CUX1: variants seen among roughly 807,000 people sequenced by gnomAD.
CUX1 encodes the protein cut like homeobox 1.
A neutral mutation model predicts 158.8 loss-of-function variants in CUX1; 31 were observed. The observed-to-expected ratio is 0.20, with a 90% CI of 0.15 to 0.26. CUX1 has a LOEUF of 0.26. Among genes scored for constraint, CUX1 ranks in the 10% least tolerant of loss-of-function variants. CUX1 has a pLI of 1.00. For missense variants in CUX1, 1,589 were observed against 2,014.6 expected (o/e 0.79, Z 4.04); for synonymous variants, 879 against 862.1 (o/e 1.02, Z -0.34).
chr7:102,152,138 T>A lies in CUX1; in HGVS notation c.675-6422T>A, dbSNP rs894197584. On this transcript the variant is annotated intron_variant, in intron 8 of 23. Coordinates refer to ENST00000292535, the MANE Select transcript of CUX1 (RefSeq NM_181552.4). Reference sequence around the variant, plus strand: ...GGCAGGATTGTTTGAGTTCAGGAGTTTAAGACCAGCTTGGGAAGCATTGTA... The same window carrying A: ...GGCAGGATTGTTTGAGTTCAGGAGTATAAGACCAGCTTGGGAAGCATTGTA... Among the ~76,000 whole-genome samples, 5 of 152,072 alleles carry A rather than the reference T, an allele frequency of 3.3e-5. No homozygotes were observed. The South Asian group carries it at 8.3e-4, about 25-fold the overall frequency.
intron 1 of CUX1, among the ~76,000 whole-genome samples, chr7:101,880,847 C>T (rs1301175593): frequency 6.6e-6 from 1 of 152,180 alleles, no homozygotes; most frequent in Non-Finnish European, 1.5e-5. Context: ...CCAGGCCAGG[C>T]CCCCCACCCC....
chr7:102,241,116 A>G (rs1297620), intron 23 of CUX1, among the ~76,000 whole-genome samples: 125,479 of 152,164 alleles, frequency 0.82, 52,877 homozygotes, highest in East Asian at 0.98. Context: ...CACCGCACCC[A>G]GCCAGTTCTC....
chr7:101,912,602 G>A (rs1359122628), intron 1 of CUX1, among the ~76,000 whole-genome samples: 2 of 152,224 alleles, frequency 1.3e-5, no homozygotes, highest in Non-Finnish European at 2.9e-5. Flanking sequence ...CCCCTCTGGA[G>A]AGAGCCAGGC....
chr7:102,115,519 A>C, intron 8 of CUX1: 1 of 403,022 alleles, frequency 2.5e-6, no homozygotes. Context: ...AAAATTTGGG[A>C]GTTAGTTTAT....
intron 3 of CUX1, among the ~76,000 whole-genome samples, chr7:102,043,323 C>CTGTGTGTGTGTGTGTG (rs57276921): frequency 6.5e-4 from 91 of 139,150 alleles, no homozygotes; most frequent in Middle Eastern, 3.6e-3. Context: ...CATTAGCTCA[C>CTGTGTGTGTGTGTGTG]TGTGTGTGTG....
chr7:101,944,407 C>T (rs1055610534), intron 2 of CUX1, among the ~76,000 whole-genome samples: 1 of 152,224 alleles, frequency 6.6e-6, no homozygotes, highest in African/African-American at 2.4e-5. Flanking sequence ...AGCAGTAAGA[C>T]ATAAACCTAC....
At chr7:102,049,589 G>C (rs1390013834) in intron 3 of CUX1, among the ~76,000 whole-genome samples, 1 of 152,046 alleles carries the variant, frequency 6.6e-6, no homozygotes, top group Non-Finnish European at 1.5e-5. Flanking sequence ...TGTAATCCCA[G>C]GTGTGATGGA....
In CUX1 at chr7:102,135,100, A is replaced by G. The variant is rs571188838; in HGVS notation, c.674+19827A>G. ...AATCGTGTATAGTTGACCCTTGAAC[A>G]ACACAGGGGTTAGAGGCACTGACCC... On this transcript the variant is annotated intron_variant, in intron 8 of 23. Coordinates refer to ENST00000292535, the MANE Select transcript of CUX1 (RefSeq NM_181552.4). Among the ~76,000 whole-genome samples the G allele has an allele frequency of 4.6e-5, 7 of 152,298 alleles. No homozygotes were observed. In the East Asian group the frequency reaches 1.2e-3, roughly 25 times the overall value.
chr7:102,227,804 C>A (rs1048744276), intron 21 of CUX1, 135 bp downstream of exon 21: 3 of 882,206 alleles, frequency 3.4e-6, no homozygotes, highest in Non-Finnish European at 5.2e-6. Flanking sequence ...CATGAAACAT[C>A]CTATAGTTGT....
chr7:101,898,248 A>G lies in CUX1; in HGVS notation c.31-17867A>G, dbSNP rs578080115. 5.9e-5 allele frequency among the ~76,000 whole-genome samples: 9 copies of G among 152,350 alleles called. No homozygotes were observed. The South Asian group carries it at 1.7e-3, about 28-fold the overall frequency. On this transcript the variant is annotated intron_variant, in intron 1 of 23. Transcript: ENST00000292535. ...ATATTTGAGAAGTTTTCCCCAATGTAAAAGTCACTCTTTAAGAGCCTTAAA... is the reference window on the plus strand; with the variant it reads ...ATATTTGAGAAGTTTTCCCCAATGTGAAAGTCACTCTTTAAGAGCCTTAAA...
At chr7:102,036,225 G>A (rs999661835) in intron 3 of CUX1, among the ~76,000 whole-genome samples, 1 of 151,854 alleles carries the variant, frequency 6.6e-6, no homozygotes, top group African/African-American at 2.4e-5. Context: ...CAAAGTGCTG[G>A]GATTACAGTC....
intron 22 of CUX1, among the ~76,000 whole-genome samples, chr7:102,234,582 G>T (rs1422123140): frequency 6.6e-6 from 1 of 152,082 alleles, no homozygotes; most frequent in Non-Finnish European, 1.5e-5. Flanking sequence ...GCATGTACCA[G>T]GTGGCTAGAG....
intron 1 of CUX1, among the ~76,000 whole-genome samples, chr7:101,865,736 G>A (rs1038402041): frequency 1.3e-5 from 2 of 152,236 alleles, no homozygotes; most frequent in Non-Finnish European, 2.9e-5. Flanking sequence ...TGGCCACCAC[G>A]GGACGTGCGC....
intron 1 of CUX1, among the ~76,000 whole-genome samples, chr7:101,855,324 G>A (rs553147287): frequency 3.3e-5 from 5 of 152,196 alleles, no homozygotes; most frequent in Non-Finnish European, 7.3e-5. Flanking sequence ...TGGCCCGGTG[G>A]CCTTGCCTGC....
At chr7:101,947,104 A>G in intron 2 of CUX1, among the ~76,000 whole-genome samples, 1 of 152,076 alleles carries the variant, frequency 6.6e-6, no homozygotes, top group Non-Finnish European at 1.5e-5. Flanking sequence ...TTCATTGTAA[A>G]ATGGCCAGGC....
chr7:101,913,402 GC>G, intron 1 of CUX1: 3 of 1,263,402 alleles, frequency 2.4e-6, no homozygotes, highest in Non-Finnish European at 3.1e-6. Flanking sequence ...GCAGCAAGTT[GC>G]CGCAGGCGCA....
At chr7:102,183,470 A>G (rs923996857) in intron 11 of CUX1, among the ~76,000 whole-genome samples, 1 of 152,116 alleles carries the variant, frequency 6.6e-6, no homozygotes, top group Non-Finnish European at 1.5e-5. Context: ...AGTCCACAGT[A>G]TCCTTGGGCT....
Position 102,194,126 on chromosome 7 carries a change from T to G in CUX1, c.1125+236T>G, listed in dbSNP as rs1266871490. Reference sequence around the variant, plus strand: ...CATAGATCAAAAGCCAAGCTGGGGATGAACAAGGGATTGCTTCATCCCTGA... The same window carrying G: ...CATAGATCAAAAGCCAAGCTGGGGAGGAACAAGGGATTGCTTCATCCCTGA... On this transcript the variant is annotated intron_variant, in intron 13 of 23. Coordinates refer to ENST00000292535, the MANE Select transcript of CUX1 (RefSeq NM_181552.4). The G allele has an allele frequency of 2.1e-5, 12 of 578,458 alleles. No individual in the cohort carries two copies. The Admixed American group carries it at 3.3e-4, about 16-fold the overall frequency. The allele number at this position is 578,458 out of a possible 1,614,324, so 35.8% of individuals were successfully genotyped here. A position where few individuals can be genotyped will look rare whatever the true frequency, so the allele number is the denominator to read the frequency against.
At chr7:101,992,472 C>T (rs1815270847) in intron 2 of CUX1, among the ~76,000 whole-genome samples, 1 of 152,186 alleles carries the variant, frequency 6.6e-6, no homozygotes, top group Admixed American at 6.5e-5. Context: ...TACCTCACCA[C>T]AGATGCCCAC....
Sources: allele counts gnomAD v4.1 joint callset (sites outside exome capture counted in the v4.1 genomes callset), GRCh38; gene constraint gnomAD v4.1.1; transcripts MANE v1.5; gene names NCBI Gene and HGNC (gene_info 2026-07-23, HGNC 2026-07-21).